The following USP7 variants were observed in gnomAD, a reference collection of about 807,000 sequenced individuals.
The protein encoded by USP7 is ubiquitin specific peptidase 7, also known as ubiquitin C-terminal hydrolase 7.
USP7 carries 9 observed loss-of-function variants against 162.9 expected under a neutral mutation model. The observed-to-expected ratio is 0.06, with a 90% CI of 0.03 to 0.10. The LOEUF (loss-of-function observed/expected upper bound fraction) is 0.10, where lower values mean the gene tolerates loss of function less well. Ranked by LOEUF, USP7 falls within the 10% of genes least tolerant of loss-of-function variation. The pLI is 1.00. For synonymous variants in USP7, 562 were observed against 475.9 expected (o/e 1.18, Z -2.35); for missense variants, 715 against 1,373.7 (o/e 0.52, Z 7.58).
At chr16:8,934,310 G>C (rs894267502) in intron 1 of USP7, among the ~76,000 whole-genome samples, 1 of 152,172 alleles carries the variant, frequency 6.6e-6, no homozygotes, top group Non-Finnish European at 1.5e-5. Flanking sequence ...GGTTTCATGA[G>C]ATGCAGTGAA....
intron 2 of USP7, among the ~76,000 whole-genome samples, chr16:8,928,225 A>C (rs922305378): frequency 6.6e-6 from 1 of 152,172 alleles, no homozygotes; most frequent in Non-Finnish European, 1.5e-5. Context: ...CTTCTGTGCA[A>C]ATCAGTCAAG....
At chr16:8,899,804 G>C in intron 21 of USP7, 47 bp from the exon 22 acceptor site, 1 of 1,607,512 alleles carries the variant, frequency 6.2e-7, no homozygotes, top group Non-Finnish European at 8.5e-7. Flanking sequence ...TCCATGGCAG[G>C]GGGTAGCTGG....
intron 1 of USP7, among the ~76,000 whole-genome samples, chr16:8,938,512 A>C (rs968633292): frequency 6.6e-6 from 1 of 152,098 alleles, no homozygotes; most frequent in African/African-American, 2.4e-5. Flanking sequence ...GGAGATCGAG[A>C]CCATCCTGGC....
chr16:8,897,747 A>ATATATATAT (rs1491214554), intron 25 of USP7, among the ~76,000 whole-genome samples: 10 of 117,984 alleles, frequency 8.5e-5, no homozygotes, highest in Non-Finnish European at 1.0e-4. Context: ...ATATATATAT[A>ATATATATAT]AATGAGTTGG....
chr16:8,901,994 G>T (rs2061782158), intron 18 of USP7, 88 bp downstream of exon 18: 1 of 1,081,300 alleles, frequency 9.2e-7, no homozygotes, highest in Non-Finnish European at 1.4e-6. Flanking sequence ...TGCAAGGGAA[G>T]AAGGCTTAAC....
intron 2 of USP7, among the ~76,000 whole-genome samples, chr16:8,928,332 G>T (rs1484648527): frequency 6.6e-6 from 1 of 152,068 alleles, no homozygotes; most frequent in African/African-American, 2.4e-5. Flanking sequence ...AAGGACACAG[G>T]ACACTCAAAA....
chr16:8,930,105 A>C (rs2141229436), intron 2 of USP7, among the ~76,000 whole-genome samples, 188 bp downstream of exon 2: 1 of 152,318 alleles, frequency 6.6e-6, no homozygotes, highest in African/African-American at 2.4e-5. Flanking sequence ...GACTCTACTT[A>C]CCTGGCAATG....
intron 10 of USP7, 71 bp downstream of exon 10, chr16:8,915,183 G>A (rs2062009672): frequency 1.5e-6 from 2 of 1,369,902 alleles, no homozygotes; most frequent in Admixed American, 4.3e-5. Flanking sequence ...AACATCACTT[G>A]TGTAAATGAA....
intron 1 of USP7, 136 bp from the exon 2 acceptor site, chr16:8,930,533 A>C: frequency 1.6e-6 from 1 of 606,396 alleles, no homozygotes; most frequent in Non-Finnish European, 2.7e-6. Flanking sequence ...ATTCATTCTA[A>C]TCCAAAAAAT....
chr16:8,958,274 G>C (rs1899886942), intron 1 of USP7, among the ~76,000 whole-genome samples: 1 of 152,192 alleles, frequency 6.6e-6, no homozygotes, highest in Non-Finnish European at 1.5e-5. Context: ...GTGGCCCCTG[G>C]GTGGGATTCT....
chr16:8,948,437 G>C (rs993099805), intron 1 of USP7, among the ~76,000 whole-genome samples: 5 of 152,156 alleles, frequency 3.3e-5, no homozygotes, highest in East Asian at 3.9e-4. Context: ...CACCGGCCTC[G>C]GCCTCCCAAA....
At chr16:8,895,803 A>G in intron 26 of USP7, 62 bp from the exon 27 acceptor site, 1 of 1,174,422 alleles carries the variant, frequency 8.5e-7, no homozygotes, top group South Asian at 1.4e-5. Flanking sequence ...TAAAAATAAA[A>G]TGGTTTTCTA....
chr16:8,943,840 C>G (rs2141252463), intron 1 of USP7, among the ~76,000 whole-genome samples: 1 of 152,342 alleles, frequency 6.6e-6, no homozygotes, highest in East Asian at 1.9e-4. Flanking sequence ...ACAAACAGTG[C>G]TTCGTGCACT....
intron 1 of USP7, among the ~76,000 whole-genome samples, chr16:8,959,582 T>C (rs931455162): frequency 6.6e-6 from 1 of 152,212 alleles, no homozygotes; most frequent in Non-Finnish European, 1.5e-5. Context: ...GTTCATCTTG[T>C]AACTTTGCAA....
chr16:8,897,730 T>C (rs532991244), intron 25 of USP7, among the ~76,000 whole-genome samples: 3 of 70,164 alleles, frequency 4.3e-5, no homozygotes, highest in Non-Finnish European at 8.4e-5. Flanking sequence ...AAAAAAAATA[T>C]ATATATATAT....
intron 1 of USP7, among the ~76,000 whole-genome samples, chr16:8,951,550 C>T (rs564887888): frequency 6.6e-4 from 101 of 152,268 alleles, no homozygotes; most frequent in African/African-American, 2.4e-3. Context: ...ATTTGCTCAT[C>T]TGTAAATGCA....
Position 8,930,284 on chromosome 16 carries a change from G to A in USP7, c.184+9C>T, listed in dbSNP as rs1008059486. The A allele has an allele frequency of 6.8e-6, 11 of 1,605,858 alleles. No homozygotes were observed. Among genetic ancestry groups the A allele is most frequent in the Non-Finnish European group, 9.4e-6 (11 of 1,175,434 alleles). ...GCCCACTGCGAGGCGGTGAACCACA[G>A]GCACTTACCATCCTCCATGTCCTCC... On this transcript the variant is annotated intron_variant, in intron 2 of 30. Transcript: ENST00000344836.
intron 2 of USP7, chr16:8,929,655 C>A: frequency 2.2e-6 from 1 of 449,922 alleles, no homozygotes; most frequent in Non-Finnish European, 4.5e-6. Context: ...CTGGCTGCTC[C>A]CTACTCACAA....
rs371456257 is a variant in USP7, at chr16:8,945,592, G to A, written c.80-15195C>T. Among the ~76,000 whole-genome samples the A allele has an allele frequency of 3.0e-4, 45 of 152,236 alleles. No individual in the cohort carries two copies. The East Asian group carries it at 8.3e-3, about 28-fold the overall frequency. On this transcript the variant is annotated intron_variant, in intron 1 of 30. Coordinates refer to ENST00000344836, the MANE Select transcript of USP7 (RefSeq NM_003470.3). ...AAATCACTGAGACTGGGGACATACC[G>A]TGCCCATGGAGTGGGAGACAGCACA...
Sources: allele counts gnomAD v4.1 joint callset (sites outside exome capture counted in the v4.1 genomes callset), GRCh38; gene constraint gnomAD v4.1.1; transcripts MANE v1.5; gene names NCBI Gene and HGNC (gene_info 2026-07-23, HGNC 2026-07-21).